DLG2: variants seen among roughly 807,000 people sequenced by gnomAD.
The protein encoded by DLG2 is disks large homolog 2.
DLG2 carries 45 observed loss-of-function variants against 132.5 expected under a neutral mutation model. The ratio of observed to expected loss-of-function variants is 0.34; its 90% CI spans 0.27 to 0.44. DLG2 has a LOEUF of 0.44. DLG2 is among the 20% of genes least tolerant of loss of function. The pLI is 1.00. For synonymous variants in DLG2, 424 were observed against 419.6 expected, an observed-to-expected ratio of 1.01 and a Z score of -0.13; for missense variants, 1,045 against 1,196.9, an observed-to-expected ratio of 0.87 and a Z score of 1.87.
intron 6 of DLG2, among the ~76,000 whole-genome samples, chr11:85,078,166 C>A (rs1010805230): frequency 1.3e-5 from 2 of 149,386 alleles, no homozygotes; most frequent in African/African-American, 4.9e-5. Context: ...AAAGCCTACT[C>A]TATTGGGGGA....
intron 3 of DLG2, among the ~76,000 whole-genome samples, chr11:85,490,670 T>C (rs1210695246): frequency 6.6e-6 from 1 of 152,048 alleles, no homozygotes; most frequent in Non-Finnish European, 1.5e-5. Flanking sequence ...TGAAGCACTA[T>C]ATGCTCACAA....
At chr11:83,803,030 T>G (rs1193604018) in intron 17 of DLG2, among the ~76,000 whole-genome samples, 3 of 152,192 alleles carry the variant, frequency 2.0e-5, no homozygotes, top group Non-Finnish European at 4.4e-5. Flanking sequence ...CTACTGAATT[T>G]GAGGTTTGTG....
Position 84,869,791 on chromosome 11 carries a change from C to A in DLG2, c.357+241870G>T, listed in dbSNP as rs560350632. ...GTACCACGCCTGGGTTGGTAGAGGA[C>A]GAATAGGCAGTGGTTGGTAATAAAC... On this transcript the variant is annotated intron_variant, in intron 6 of 27. Coordinates refer to ENST00000376104, the MANE Select transcript of DLG2 (RefSeq NM_001142699.3). Among the ~76,000 whole-genome samples the A allele has an allele frequency of 1.3e-5, 2 of 152,260 alleles. 1 individual carries two copies. Among genetic ancestry groups the A allele is most frequent in the Middle Eastern group, 6.8e-3 (2 of 294 alleles).
intron 5 of DLG2, among the ~76,000 whole-genome samples, chr11:85,123,199 G>A (rs541506958): frequency 4.0e-5 from 6 of 151,250 alleles, no homozygotes; most frequent in Non-Finnish European, 8.8e-5. Context: ...GGATGGTCTC[G>A]ATTTCCTGAC....
intron 8 of DLG2, among the ~76,000 whole-genome samples, chr11:84,165,301 T>G (rs1031681752): frequency 6.6e-6 from 1 of 152,156 alleles, no homozygotes; most frequent in South Asian, 2.1e-4. Context: ...TTTTAGGAAG[T>G]GCTTAAAAGA....
chr11:84,025,435 A>G lies in DLG2; in HGVS notation c.919+33880T>C, dbSNP rs1049991540. Among the ~76,000 whole-genome samples, 7 of 152,152 alleles carry G rather than the reference A, an allele frequency of 4.6e-5. No homozygotes were observed. The South Asian group carries it at 1.4e-3, about 32-fold the overall frequency. On this transcript the variant is annotated intron_variant, in intron 11 of 27. Coordinates refer to ENST00000376104, the MANE Select transcript of DLG2 (RefSeq NM_001142699.3). ...CTCCCCCAACACTTGGGAATTCAAG[A>G]TGAGATCTGGATGGGGACACAGCCA...
At chr11:84,375,979 T>C (rs2098727477) in intron 7 of DLG2, among the ~76,000 whole-genome samples, 1 of 152,016 alleles carries the variant, frequency 6.6e-6, no homozygotes, top group Non-Finnish European at 1.5e-5. Context: ...CCCATTTGCC[T>C]CTTAAATAAG....
At chr11:84,036,857 A>G (rs533323192) in intron 11 of DLG2, among the ~76,000 whole-genome samples, 28 of 152,260 alleles carry the variant, frequency 1.8e-4, no homozygotes, top group African/African-American at 6.0e-4. Flanking sequence ...TATTTAGAAG[A>G]GAGCAATCCA....
chr11:83,836,486 C>T (rs1031426128), intron 16 of DLG2, among the ~76,000 whole-genome samples: 9 of 152,162 alleles, frequency 5.9e-5, no homozygotes, highest in African/African-American at 2.2e-4. Context: ...ACATTGAATC[C>T]TCTTCACATT....
chr11:83,952,677 C>T (rs1168485344), intron 14 of DLG2, among the ~76,000 whole-genome samples: 1 of 132,348 alleles, frequency 7.6e-6, no homozygotes, highest in Admixed American at 8.5e-5. Flanking sequence ...AGATATAATG[C>T]TAAAGCAAAA....
At chr11:83,791,150 G>T in intron 17 of DLG2, 1 of 644,528 alleles carries the variant, frequency 1.6e-6, no homozygotes, top group East Asian at 2.6e-5. Context: ...AGAGTTTGTG[G>T]GTCGAAGAGG....
At chr11:85,165,198 A>G (rs1594987883) in intron 4 of DLG2, among the ~76,000 whole-genome samples, 1 of 152,340 alleles carries the variant, frequency 6.6e-6, no homozygotes, top group Non-Finnish European at 1.5e-5. Flanking sequence ...TCACTTCCAA[A>G]CATTTGTTGC....
At chr11:84,591,008 T>G (rs1015523819) in intron 6 of DLG2, among the ~76,000 whole-genome samples, 1 of 152,142 alleles carries the variant, frequency 6.6e-6, no homozygotes, top group Non-Finnish European at 1.5e-5. Context: ...TCTCTCACAA[T>G]AGAGTCCACC....
At chr11:84,410,201 G>A (rs777029999) in intron 7 of DLG2, among the ~76,000 whole-genome samples, 16 of 152,142 alleles carry the variant, frequency 1.1e-4, no homozygotes, top group African/African-American at 1.9e-4. Context: ...GTGAGGCTCA[G>A]AGAGGTTAAA....
intron 10 of DLG2, among the ~76,000 whole-genome samples, chr11:84,084,139 GA>G (rs2096941022): frequency 6.6e-6 from 1 of 152,168 alleles, no homozygotes; most frequent in Non-Finnish European, 1.5e-5. Flanking sequence ...ACTATTTGAA[GA>G]AAAAGTAGGT....
chr11:83,984,499 T>C (rs1163771120), intron 11 of DLG2, among the ~76,000 whole-genome samples: 1 of 152,140 alleles, frequency 6.6e-6, no homozygotes, highest in African/African-American at 2.4e-5. Context: ...GTAGTTTATG[T>C]CTACATTGAG....
intron 9 of DLG2, among the ~76,000 whole-genome samples, chr11:84,135,324 C>T (rs2094562302): frequency 6.6e-6 from 1 of 152,036 alleles, no homozygotes; most frequent in South Asian, 2.1e-4. Flanking sequence ...GGGAAGATAA[C>T]TAGGATGCTA....
chr11:84,458,941 G>A (rs1602493497), intron 7 of DLG2, among the ~76,000 whole-genome samples: 1 of 150,546 alleles, frequency 6.6e-6, no homozygotes. Context: ...AACACCTTAT[G>A]AGGTAATAAC....
chr11:83,515,790 T>A (rs1022918976), intron 21 of DLG2, among the ~76,000 whole-genome samples: 1 of 152,242 alleles, frequency 6.6e-6, no homozygotes, highest in African/African-American at 2.4e-5. Context: ...TACCTAGTAG[T>A]CATTCAGGAG....
Sources: gnomAD v4.1 joint callset for allele counts (sites outside exome capture counted in the v4.1 genomes callset) on GRCh38, gnomAD v4.1.1 for gene constraint, MANE v1.5 for transcripts, NCBI Gene and HGNC (gene_info 2026-07-23, HGNC 2026-07-21) for gene names.